GOLGA3: variants seen among roughly 807,000 people sequenced by gnomAD.
The protein encoded by GOLGA3 is golgin A3, also known as golgin subfamily A member 3.
GOLGA3 carries 75 observed loss-of-function variants against 169.4 expected under a neutral mutation model. That is an observed-to-expected ratio of 0.44 (90% CI 0.37 to 0.54). The LOEUF is 0.54. Among genes scored for constraint, GOLGA3 ranks in the 20% least tolerant of loss-of-function variants. The pLI is 0.00. For synonymous variants in GOLGA3, 824 were observed against 822.4 expected (o/e 1.00, Z -0.03); for missense variants, 1,899 against 1,930.0 (o/e 0.98, Z 0.30).
rs1421589871 is a variant in GOLGA3 at position 132,786,553 on chromosome 12, G to A, written c.2909C>T (p.Ala970Val). ...IEELQQEARK[A>V]ITEQKQKMRR... is the part of the protein sequence containing the mutation. Reference sequence around the variant, plus strand: ...CATCTTCTGCTTCTGTTCCGTGATGGCCCTGGGGTGTCATGAGGGAGACAC... The same window carrying A: ...CATCTTCTGCTTCTGTTCCGTGATGACCCTGGGGTGTCATGAGGGAGACAC... The change falls in exon 15 of 24, where the codon GCC (alanine) becomes GTC (valine). Residue 970 changes from alanine to valine, a missense_variant and splice_region_variant. Coordinates refer to ENST00000450791, the MANE Select transcript of GOLGA3 (RefSeq NM_001389683.1). The A allele has an allele frequency of 6.2e-7, 1 of 1,612,934 alleles. No individual in the cohort carries two copies. Among genetic ancestry groups the A allele is most frequent in the Admixed American group, 1.7e-5 (1 of 59,954 alleles).
At chr12:132,778,246 CAGCTGGGGTGACA>C (rs911454000) in intron 18 of GOLGA3, among the ~76,000 whole-genome samples, 2 of 151,892 alleles carry the variant, frequency 1.3e-5, no homozygotes, top group African/African-American at 4.8e-5. Flanking sequence ...CACTGCACTC[CAGCTGGGGTGACA>C]GAGTGAGACC....
chr12:132,796,387 T>C, intron 10 of GOLGA3, 152 bp downstream of exon 10: 2 of 1,158,984 alleles, frequency 1.7e-6, no homozygotes, highest in East Asian at 4.9e-5. Context: ...GGGTCAGGTC[T>C]GCAGCAGCAG....
intron 11 of GOLGA3, among the ~76,000 whole-genome samples, chr12:132,792,456 G>A (rs1209157706): frequency 6.6e-6 from 1 of 152,224 alleles, no homozygotes; most frequent in Non-Finnish European, 1.5e-5. Flanking sequence ...ACAGGCTGAG[G>A]GTGCTGACCC....
intron 8 of GOLGA3, 102 bp downstream of exon 8, chr12:132,801,665 C>A: frequency 1.8e-6 from 2 of 1,138,146 alleles, no homozygotes; most frequent in Non-Finnish European, 2.6e-6. Context: ...AAAACAAAAA[C>A]ATGCCTGTGA....
chr12:132,774,193 G>C lies in GOLGA3; in HGVS notation c.4271C>G (p.Pro1424Arg). The change falls in exon 23 of 24, where the codon CCC becomes CGC. Residue 1424 changes from proline to arginine, a missense_variant. By Grantham distance (103) the Pro-to-Arg change is moderately radical (BLOSUM62 -2). Coordinates refer to ENST00000450791, the MANE Select transcript of GOLGA3 (RefSeq NM_001389683.1). Reference protein sequence around the residue: ...LRPPPAVSKEPLKNLNSCLQQ... With the variant: ...LRPPPAVSKERLKNLNSCLQQ... ...GAGGCAGCTGTTCAGGTTCTTGAGG[G>C]GCTCCTTGCTCACGGCGGGCGGTGG... is the stretch of plus-strand genomic sequence containing the variant. 1.2e-6 allele frequency: 2 copies of C among 1,611,480 alleles called. No individual in the cohort carries two copies. Among genetic ancestry groups the C allele is most frequent in the East Asian group, 4.5e-5 (2 of 44,818 alleles).
chr12:132,778,540 C>T (rs186145150), intron 18 of GOLGA3, among the ~76,000 whole-genome samples: 6 of 151,616 alleles, frequency 4.0e-5, no homozygotes, highest in East Asian at 1.9e-4. Flanking sequence ...CACTGCACTC[C>T]GGCCTGGGCG....
chr12:132,804,510 G>A lies in GOLGA3; in HGVS notation c.1597+206C>T, dbSNP rs1949287198. On this transcript the variant is annotated intron_variant, in intron 7 of 23. Transcript: ENST00000450791. The surrounding 1 kb of genome is among the most constrained non-coding windows in gnomAD (Gnocchi z 4.1). ...AGAGCTGTCAGCACCAGGGAGGAGGGCGTGGCGAGGACCAGTCAGGGAAGG... is the reference window on the plus strand; with the variant it reads ...AGAGCTGTCAGCACCAGGGAGGAGGACGTGGCGAGGACCAGTCAGGGAAGG... 6.6e-6 allele frequency among the ~76,000 whole-genome samples: 1 copy of A among 152,082 alleles called. No individual in the cohort carries two copies. Among genetic ancestry groups the A allele is most frequent in the African/African-American group, 2.4e-5 (1 of 41,398 alleles).
At chr12:132,810,869 T>C (rs1337224326) in intron 4 of GOLGA3, among the ~76,000 whole-genome samples, 2 of 152,262 alleles carry the variant, frequency 1.3e-5, no homozygotes, top group Non-Finnish European at 2.9e-5. Context: ...GATGCTGTGC[T>C]TCAGTGGTCA....
rs73487160 is a variant in GOLGA3, at chr12:132,774,366, C to T, written c.4144-46G>A. Reference sequence around the variant, plus strand: ...TCAGCTTTCCCACCGTCCCCTCCCTCGGGTCAGTCTCACTAGCACAGCTTG... The same window carrying T: ...TCAGCTTTCCCACCGTCCCCTCCCTTGGGTCAGTCTCACTAGCACAGCTTG... On this transcript the variant is annotated intron_variant, in intron 22 of 23. Transcript: ENST00000450791. The T allele has an allele frequency of 2.8e-3, 4,403 of 1,601,016 alleles. 101 individuals are homozygous for T. In the African/African-American group the frequency reaches 0.05, roughly 18 times the overall value.
At chr12:132,798,883 C>T (rs576250780) in intron 8 of GOLGA3, among the ~76,000 whole-genome samples, 1 of 152,352 alleles carries the variant, frequency 6.6e-6, no homozygotes, top group Admixed American at 6.5e-5. Context: ...CTCAGCCAGA[C>T]GCCCGACAGG....
chr12:132,780,906 T>C lies in GOLGA3; in HGVS notation c.3474A>G (p.Ala1158=). Residue 1158 remains alanine, a synonymous_variant, in exon 18 of 24, where the codon GCA becomes GCG. Coordinates refer to ENST00000450791, the MANE Select transcript of GOLGA3 (RefSeq NM_001389683.1). ...CCTCCTCTTCTTTGCGCTGCAAAAC[T>C]GCCTGCACCTAGATCAGATTGCAGG... ...DLVQLNLQVQ[A]VLQRKEEEDR... 1 of 1,609,872 alleles carries C rather than the reference T, an allele frequency of 6.2e-7. No individual in the cohort carries two copies. The highest frequency in any genetic ancestry group is 8.5e-7 in the Non-Finnish European group (1 of 1,179,022).
Position 132,777,152 on chromosome 12 carries a change from C to G in GOLGA3, c.3723-62G>C, listed in dbSNP as rs927493296. ...GCTCCTCCAGTGTGCTGTGCCCTCC[C>G]GCTGGGAAATGCTGCCTGTGGAAGG... On this transcript the variant is annotated intron_variant, in intron 19 of 23. Coordinates refer to ENST00000450791, the MANE Select transcript of GOLGA3 (RefSeq NM_001389683.1). The surrounding 1 kb of genome is among the most constrained non-coding windows in gnomAD (Gnocchi z 4.7). The G allele has an allele frequency of 7.8e-5, 119 of 1,517,430 alleles. No individual in the cohort carries two copies. The highest frequency in any genetic ancestry group is 1.0e-4 in the Non-Finnish European group (115 of 1,131,012). The allele number at this position is 1,517,430 out of a possible 1,614,324, so 94.0% of individuals were successfully genotyped here.
At chr12:132,779,369 G>A (rs1014648453) in intron 18 of GOLGA3, among the ~76,000 whole-genome samples, 2 of 152,094 alleles carry the variant, frequency 1.3e-5, no homozygotes, top group Non-Finnish European at 2.9e-5. Context: ...ATGAGCCACC[G>A]CGCCCAGCCA....
At position 132,784,825 on chromosome 12, in the gene GOLGA3, CCA is replaced by C. The variant is rs1480112608; in HGVS notation, c.3124-520_3124-519del. 2.0e-4 allele frequency among the ~76,000 whole-genome samples: 30 copies of C among 151,724 alleles called. No individual in the cohort carries two copies. The East Asian group carries it at 3.9e-3, about 20-fold the overall frequency. ...CTCACACTGCATGCACACATACACC[CCA>C]CACTGCATGCACACATATGCTCACA... On this transcript the variant is annotated intron_variant, in intron 15 of 23. Coordinates refer to ENST00000450791, the MANE Select transcript of GOLGA3 (RefSeq NM_001389683.1).
chr12:132,825,553 G>A (rs1248129877), intron 1 of GOLGA3: 4 of 606,492 alleles, frequency 6.6e-6, no homozygotes, highest in Non-Finnish European at 1.2e-5. Context: ...AAATGATTAA[G>A]TATTTGAATC....
intron 9 of GOLGA3, among the ~76,000 whole-genome samples, chr12:132,797,923 G>C (rs1264621753): frequency 6.6e-6 from 1 of 152,196 alleles, no homozygotes; most frequent in African/African-American, 2.4e-5. Context: ...TCATCCCTAG[G>C]CTTCGACAGG....
intron 2 of GOLGA3, 77 bp from the exon 3 acceptor site, chr12:132,816,889 T>G: frequency 7.7e-7 from 1 of 1,300,980 alleles, no homozygotes. Context: ...GCAGCTGGAG[T>G]AGGAGAGAAG....
intron 13 of GOLGA3, among the ~76,000 whole-genome samples, chr12:132,788,756 C>T (rs1164029523): frequency 1.3e-5 from 2 of 152,060 alleles, no homozygotes; most frequent in South Asian, 2.1e-4. Flanking sequence ...CCTCACGGGG[C>T]CTCCTCACTC....
rs753208989 is a variant in GOLGA3 at position 132,776,780 on chromosome 12, C to G, written c.3856-24G>C. On this transcript the variant is annotated intron_variant, in intron 20 of 23. Transcript: ENST00000450791. ...ATCTAAAGAGGGGAAAGTCACATGG[C>G]CAAAAGAATATTAAAGTGGCTTTAC... 3 of 1,611,986 alleles carry G rather than the reference C, an allele frequency of 1.9e-6. No individual in the cohort carries two copies. In the South Asian group the frequency reaches 3.3e-5, roughly 18 times the overall value.
Sources: allele counts gnomAD v4.1 joint callset (sites outside exome capture counted in the v4.1 genomes callset), GRCh38; gene constraint gnomAD v4.1.1; non-coding constraint Gnocchi (gnomAD v3.1); transcripts MANE v1.5; gene names NCBI Gene and HGNC (gene_info 2026-07-23, HGNC 2026-07-21).